FNDC3A: variants seen among roughly 807,000 people sequenced by gnomAD.
FNDC3A encodes the protein fibronectin type-III domain-containing protein 3A.
FNDC3A carries 32 observed loss-of-function variants against 148.9 expected under a neutral mutation model. The ratio of observed to expected loss-of-function variants is 0.21; its 90% CI spans 0.16 to 0.29. The LOEUF (loss-of-function observed/expected upper bound fraction) is 0.29, where lower values mean the gene tolerates loss of function less well. FNDC3A is among the 10% of genes least tolerant of loss of function. The pLI is 1.00. For missense variants in FNDC3A, 1,191 were observed against 1,452.8 expected, an observed-to-expected ratio of 0.82 and a Z score of 2.93; for synonymous variants, 472 against 473.6, an observed-to-expected ratio of 1.00 and a Z score of 0.04.
At chr13:48,980,842 C>G (rs1951681889) in intron 1 of FNDC3A, among the ~76,000 whole-genome samples, 1 of 152,090 alleles carries the variant, frequency 6.6e-6, no homozygotes. Flanking sequence ...TTTCATTAAG[C>G]AGGCATCAGT....
At chr13:49,150,831 G>A (rs2137981594) in intron 8 of FNDC3A, among the ~76,000 whole-genome samples, 1 of 151,440 alleles carries the variant, frequency 6.6e-6, no homozygotes, top group East Asian at 1.9e-4. Flanking sequence ...TGTAGTCCCA[G>A]CTACTCGGGA....
At chr13:49,074,981 A>T (rs1365131982) in intron 2 of FNDC3A, among the ~76,000 whole-genome samples, 5 of 152,208 alleles carry the variant, frequency 3.3e-5, no homozygotes, top group African/African-American at 4.8e-5. Context: ...TGATAAGCTC[A>T]CTTAGATGAT....
intron 1 of FNDC3A, among the ~76,000 whole-genome samples, chr13:49,003,930 T>C (rs1185907515): frequency 6.6e-6 from 1 of 152,216 alleles, no homozygotes; most frequent in Admixed American, 6.5e-5. Flanking sequence ...AACAGTGATA[T>C]GCTGGAGCTG....
chr13:49,093,242 A>G (rs1350187887), intron 3 of FNDC3A, among the ~76,000 whole-genome samples: 1 of 152,190 alleles, frequency 6.6e-6, no homozygotes, highest in African/African-American at 2.4e-5. Flanking sequence ...TGCCCCATAC[A>G]TACAGAAATT....
At chr13:49,175,695 A>C (rs377227028) in intron 13 of FNDC3A, among the ~76,000 whole-genome samples, 154 bp downstream of exon 13, 2 of 152,138 alleles carry the variant, frequency 1.3e-5, no homozygotes, top group Non-Finnish European at 2.9e-5. Flanking sequence ...AATACGCTTT[A>C]TTTCTTTCTC....
Position 49,161,487 on chromosome 13 carries a change from G to A in FNDC3A, c.978-5757G>A, listed in dbSNP as rs556358948. 1.4e-3 allele frequency among the ~76,000 whole-genome samples: 219 copies of A among 152,170 alleles called. 1 individual carries two copies. Among genetic ancestry groups the A allele is most frequent in the African/African-American group, 5.0e-3 (209 of 41,500 alleles). ...CTCCATCCCTTTATTTTGAGCCTGT[G>A]TGTGTGTCTGCATGTATTCAGCAGA... On this transcript the variant is annotated intron_variant, in intron 8 of 25. Transcript: ENST00000492622.
At chr13:49,159,414 CTG>C (rs1883942471) in intron 8 of FNDC3A, among the ~76,000 whole-genome samples, 1 of 152,152 alleles carries the variant, frequency 6.6e-6, no homozygotes, top group African/African-American at 2.4e-5. Flanking sequence ...TGATTTGGCT[CTG>C]TTTGTCTGTT....
intron 3 of FNDC3A, among the ~76,000 whole-genome samples, chr13:49,106,787 A>AAG (rs1880213746): frequency 6.6e-6 from 1 of 150,828 alleles, no homozygotes; most frequent in Non-Finnish European, 1.5e-5. Context: ...AAAAAAAAAA[A>AAG]AAAAAACCAA....
chr13:49,095,277 T>C (rs1366252375), intron 3 of FNDC3A: 1 of 152,048 alleles, frequency 6.6e-6, no homozygotes, highest in African/African-American at 2.4e-5. Context: ...CACATCATTG[T>C]AGTCCATCAG....
At chr13:49,207,043 T>G in intron 25 of FNDC3A, 38 bp from the exon 26 acceptor site, 3 of 1,484,812 alleles carry the variant, frequency 2.0e-6, no homozygotes, top group Non-Finnish European at 2.8e-6. Context: ...CTGTCCAGCC[T>G]TCACACGTAA....
At chr13:49,138,052 A>G (rs1248579037) in intron 6 of FNDC3A, among the ~76,000 whole-genome samples, 1 of 152,194 alleles carries the variant, frequency 6.6e-6, no homozygotes, top group Non-Finnish European at 1.5e-5. Context: ...TAATTAATAT[A>G]TGACTAGGAA....
intron 3 of FNDC3A, among the ~76,000 whole-genome samples, chr13:49,084,968 G>A (rs185099392): frequency 7.1e-4 from 108 of 152,062 alleles, no homozygotes; most frequent in African/African-American, 2.0e-3. Context: ...TTTCTTTTTC[G>A]TTGCTGCTGC....
chr13:49,171,778 A>AC (rs775485584), intron 10 of FNDC3A, among the ~76,000 whole-genome samples: 3 of 152,204 alleles, frequency 2.0e-5, no homozygotes, highest in Non-Finnish European at 2.9e-5. Context: ...TTTTTTAAAG[A>AC]CTTTTTCAAG....
At chr13:49,159,786 G>A (rs764685658) in intron 8 of FNDC3A, among the ~76,000 whole-genome samples, 2 of 152,152 alleles carry the variant, frequency 1.3e-5, no homozygotes, top group East Asian at 1.9e-4. Context: ...TTTGAGAGAC[G>A]TCCCATCAAT....
chr13:49,018,662 G>C, intron 2 of FNDC3A, among the ~76,000 whole-genome samples: 1 of 152,246 alleles, frequency 6.6e-6, no homozygotes, highest in Non-Finnish European at 1.5e-5. Flanking sequence ...CATTCCTTTG[G>C]AGGAGGAGAG....
intron 2 of FNDC3A, among the ~76,000 whole-genome samples, chr13:49,057,580 G>A (rs1876344084): frequency 6.6e-6 from 1 of 151,900 alleles, no homozygotes; most frequent in Non-Finnish European, 1.5e-5. Context: ...TGATTTTTAG[G>A]ATATCCAATA....
intron 3 of FNDC3A, among the ~76,000 whole-genome samples, chr13:49,107,587 A>G (rs1254959732): frequency 1.3e-5 from 2 of 152,208 alleles, no homozygotes; most frequent in African/African-American, 4.8e-5. Flanking sequence ...TCTTCTGCAA[A>G]TAGAGGAAAG....
At chr13:49,119,490 T>G (rs1309868642) in intron 4 of FNDC3A, among the ~76,000 whole-genome samples, 1 of 152,004 alleles carries the variant, frequency 6.6e-6, no homozygotes, top group Non-Finnish European at 1.5e-5. Flanking sequence ...AGAATGAGTT[T>G]GACGAATTGA....
intron 2 of FNDC3A, among the ~76,000 whole-genome samples, chr13:49,025,694 A>G (rs905056222): frequency 6.6e-6 from 1 of 152,152 alleles, no homozygotes; most frequent in African/African-American, 2.4e-5. Context: ...TGGACTTATT[A>G]AAAGTTTGGG....
Sources: gnomAD v4.1 joint callset for allele counts (sites outside exome capture counted in the v4.1 genomes callset) on GRCh38, gnomAD v4.1.1 for gene constraint, MANE v1.5 for transcripts, NCBI Gene and HGNC (gene_info 2026-07-23, HGNC 2026-07-21) for gene names.